Variants in COMMD9 observed in about 807,000 individuals in gnomAD.
The protein encoded by COMMD9 is COMM domain-containing protein 9.
In COMMD9, 22 loss-of-function variants were observed where a neutral mutation model predicts 23.4. That is an observed-to-expected ratio of 0.94 (90% CI 0.67 to 1.34). The LOEUF (loss-of-function observed/expected upper bound fraction) is 1.34, where lower values mean the gene tolerates loss of function less well. COMMD9 is among the 40% of genes most tolerant of loss of function. The probability of loss-of-function intolerance (pLI) is 0.00; values close to 1 mark genes in which losing one functional copy is unlikely to be tolerated. For missense variants in COMMD9, 231 were observed against 240.2 expected (o/e 0.96, Z 0.25); for synonymous variants, 99 against 97.4 (o/e 1.02, Z -0.10).
chr11:36,279,986 G>C (rs1315589977), intron 2 of COMMD9, among the ~76,000 whole-genome samples: 1 of 152,076 alleles, frequency 6.6e-6, no homozygotes, highest in African/African-American at 2.4e-5. Flanking sequence ...TATGCTTGCA[G>C]TCCCAGCTAC....
chr11:36,286,412 AAGAAAG>A lies in COMMD9; in HGVS notation c.51+2944_51+2949del, dbSNP rs1308992249. On this transcript the variant is annotated intron_variant, in intron 1 of 5. Coordinates refer to ENST00000263401, the MANE Select transcript of COMMD9 (RefSeq NM_014186.4). Reference sequence around the variant, plus strand: ...TAAAAATACAAAAAAAAAAAAAAAAAAGAAAGAAAGAAAGAAAGAAAGAAAAGAAAA... The same window carrying A: ...TAAAAATACAAAAAAAAAAAAAAAAAAAAGAAAGAAAGAAAGAAAAGAAAA... Among the ~76,000 whole-genome samples the A allele has an allele frequency of 8.9e-3, 358 of 40,104 alleles. 3 individuals carry two copies. Among genetic ancestry groups the A allele is most frequent in the African/African-American group, 0.021 (334 of 16,148 alleles). The allele number at this position is 40,104 out of a possible 152,430, so 26.3% of individuals were successfully genotyped here.
At chr11:36,286,434 GA>G (rs1217773767) in intron 1 of COMMD9, among the ~76,000 whole-genome samples, 44 of 76,062 alleles carry the variant, frequency 5.8e-4, no homozygotes, top group African/African-American at 2.2e-3. Context: ...AAGAAAGAAA[GA>G]AAAGAAAAAA....
intron 1 of COMMD9, among the ~76,000 whole-genome samples, chr11:36,284,104 T>TCAA (rs79468939): frequency 0.2 from 29,510 of 149,434 alleles, 3,559 homozygotes; most frequent in African/African-American, 0.34. Context: ...AGACCCTGTC[T>TCAA]CAACAACAAC....
At chr11:36,286,206 A>G (rs1419515069) in intron 1 of COMMD9, among the ~76,000 whole-genome samples, 2 of 152,258 alleles carry the variant, frequency 1.3e-5, no homozygotes, top group East Asian at 3.8e-4. Context: ...ATAAACATAC[A>G]TAAATCAGTT....
intron 1 of COMMD9, among the ~76,000 whole-genome samples, chr11:36,285,443 T>C (rs1856135559): frequency 6.6e-6 from 1 of 152,048 alleles, no homozygotes; most frequent in South Asian, 2.1e-4. Context: ...AAGAATGAAC[T>C]GATTCTACAC....
intron 3 of COMMD9, 89 bp from the exon 4 acceptor site, chr11:36,277,212 A>C: frequency 2.2e-6 from 2 of 902,490 alleles, no homozygotes; most frequent in South Asian, 4.0e-5. Flanking sequence ...CCTTCCTGTG[A>C]TCTTCAGACC....
At chr11:36,289,257 A>G in intron 1 of COMMD9, 105 bp downstream of exon 1, 1 of 1,074,994 alleles carries the variant, frequency 9.3e-7, no homozygotes. Context: ...AACAAGCAGC[A>G]GAGTTGTGGC....
chr11:36,276,878 TG>T, intron 4 of COMMD9: 1 of 391,834 alleles, frequency 2.6e-6, no homozygotes, highest in East Asian at 3.8e-5. Flanking sequence ...TGGATATTTC[TG>T]TTTTTTAACA....
intron 1 of COMMD9, among the ~76,000 whole-genome samples, chr11:36,286,391 A>G (rs898876188): frequency 6.7e-5 from 6 of 89,470 alleles, no homozygotes; most frequent in African/African-American, 1.4e-4. Context: ...CTCTACTAAA[A>G]ATACAAAAAA....
intron 1 of COMMD9, among the ~76,000 whole-genome samples, chr11:36,282,042 G>A (rs1856074978): frequency 6.6e-6 from 1 of 151,974 alleles, no homozygotes. Context: ...GCACCAAAAT[G>A]GAAAGAATAG....
chr11:36,277,059 G>C (rs369525019), intron 4 of COMMD9, 30 bp downstream of exon 4: 3 of 1,589,274 alleles, frequency 1.9e-6, no homozygotes, highest in Non-Finnish European at 2.6e-6. Flanking sequence ...AGACAAGTAA[G>C]AAGGGAGGGG....
chr11:36,283,706 G>A (rs1007428074), intron 1 of COMMD9, among the ~76,000 whole-genome samples: 2 of 152,126 alleles, frequency 1.3e-5, no homozygotes, highest in South Asian at 2.1e-4. Flanking sequence ...TAGACTTAAC[G>A]CCCTAACATA....
intron 1 of COMMD9, 101 bp downstream of exon 1, chr11:36,289,261 T>C (rs1856226175): frequency 8.9e-7 from 1 of 1,128,416 alleles, no homozygotes; most frequent in Non-Finnish European, 1.3e-6. Flanking sequence ...AGCAGCAGAG[T>C]TGTGGCTCCA....
At chr11:36,288,551 C>G (rs1384792257) in intron 1 of COMMD9, among the ~76,000 whole-genome samples, 2 of 152,118 alleles carry the variant, frequency 1.3e-5, no homozygotes, top group South Asian at 2.1e-4. Context: ...GCCTGTAATC[C>G]CAACACTTTG....
chr11:36,281,821 C>T (rs1856071404), intron 1 of COMMD9, among the ~76,000 whole-genome samples: 1 of 152,120 alleles, frequency 6.6e-6, no homozygotes, highest in Non-Finnish European at 1.5e-5. Context: ...CAATAGATGT[C>T]AACACCAAGA....
rs904656653 is a variant in COMMD9, at chr11:36,272,903, G to A, written c.*1729C>T. On this transcript the variant is annotated 3_prime_UTR_variant, in exon 6 of 6. Transcript: ENST00000263401. ...TCAATCTCAATGAGCTGGTTTCCTG[G>A]TCAATAAAGGGAGGATGATAATACT... The A allele has an allele frequency of 5.3e-5, 8 of 152,130 alleles. No homozygotes were observed. Among genetic ancestry groups the A allele is most frequent in the Admixed American group, 6.5e-5 (1 of 15,268 alleles). The allele number at this position is 152,130 out of a possible 1,614,324, so 9.4% of individuals were successfully genotyped here.
intron 1 of COMMD9, among the ~76,000 whole-genome samples, chr11:36,288,918 G>C (rs953716722): frequency 6.6e-6 from 1 of 152,180 alleles, no homozygotes; most frequent in East Asian, 1.9e-4. Context: ...AGGTCAAAGA[G>C]AGTAGGGAAA....
intron 3 of COMMD9, among the ~76,000 whole-genome samples, chr11:36,277,729 G>A (rs201430046): frequency 1.1e-4 from 17 of 150,896 alleles, no homozygotes; most frequent in Non-Finnish European, 1.2e-4. Flanking sequence ...CTTCACAAAA[G>A]AAAAAAAAAG....
chr11:36,278,728 A>G (rs1856017692), intron 2 of COMMD9, 112 bp from the exon 3 acceptor site: 5 of 1,044,652 alleles, frequency 4.8e-6, no homozygotes, highest in Non-Finnish European at 4.0e-6. Flanking sequence ...TGCTATGGTC[A>G]TTCAACTGAG....
Sources: allele counts gnomAD v4.1 joint callset (sites outside exome capture counted in the v4.1 genomes callset), GRCh38; gene constraint gnomAD v4.1.1; transcripts MANE v1.5; gene names NCBI Gene and HGNC (gene_info 2026-07-23, HGNC 2026-07-21).